The following CEP152 variants were observed in gnomAD, a reference collection of about 807,000 sequenced individuals.
CEP152 encodes centrosomal protein of 152 kDa.
Under a neutral mutation model 188.9 loss-of-function variants are expected in CEP152, and 132 were observed. The observed-to-expected ratio is 0.70, with a 90% CI of 0.61 to 0.81. The LOEUF is 0.81. Among genes scored for constraint, CEP152 ranks in the 30% least tolerant of loss-of-function variants. The pLI is 0.00. For synonymous variants in CEP152, 649 were observed against 666.6 expected, an observed-to-expected ratio of 0.97 and a Z score of 0.41; for missense variants, 1,914 against 1,969.8, an observed-to-expected ratio of 0.97 and a Z score of 0.54.
chr15:48,807,932 A>G (rs562980219), intron 1 of CEP152, among the ~76,000 whole-genome samples: 5 of 152,320 alleles, frequency 3.3e-5, no homozygotes, highest in Non-Finnish European at 7.4e-5. Flanking sequence ...ATCAAAGTAT[A>G]TATCTTTAAT....
chr15:48,747,933 C>T (rs1052303865), intron 22 of CEP152, among the ~76,000 whole-genome samples: 4 of 152,158 alleles, frequency 2.6e-5, no homozygotes, highest in Admixed American at 6.5e-5. Context: ...CTATCTCAAA[C>T]GTTGTTCTCC....
At chr15:48,780,226 T>C (rs1896157449) in intron 12 of CEP152, among the ~76,000 whole-genome samples, 1 of 152,204 alleles carries the variant, frequency 6.6e-6, no homozygotes, top group Admixed American at 6.5e-5. Flanking sequence ...TGGATAGCAG[T>C]GCTGTGATTT....
chr15:48,741,901 A>G (rs1206467000), intron 25 of CEP152, 46 bp downstream of exon 25: 2 of 1,613,940 alleles, frequency 1.2e-6, no homozygotes, highest in African/African-American at 1.3e-5. Flanking sequence ...AAATGATAAC[A>G]TGTTGTCCTG....
downstream of CEP152, among the ~76,000 whole-genome samples, chr15:48,733,763 A>G (rs1200715477): frequency 6.6e-6 from 1 of 152,172 alleles, no homozygotes; most frequent in Non-Finnish European, 1.5e-5. Context: ...AAAACAGTAT[A>G]AGAAAAACAA....
chr15:48,796,119 T>C lies in CEP152; in HGVS notation c.582A>G (p.Thr194=). ...CQGLEPYNKV[T]YKPYQSSAQN... ...GGGCAGAAGACTGATAAGGTTTATA[T>C]GTCACTTTATTATACGGTTCCAAAC... Residue 194 remains threonine, a synonymous_variant, in exon 6 of 27, where the codon ACA becomes ACG. Coordinates refer to ENST00000380950, the MANE Select transcript of CEP152 (RefSeq NM_001194998.2). 1 of 1,613,966 alleles carries C rather than the reference T, an allele frequency of 6.2e-7. No homozygotes were observed. The highest frequency in any genetic ancestry group is 8.5e-7 in the Non-Finnish European group (1 of 1,179,866).
intron 5 of CEP152, among the ~76,000 whole-genome samples, chr15:48,796,942 T>C (rs894298900): frequency 3.9e-5 from 6 of 152,242 alleles, no homozygotes; most frequent in South Asian, 2.1e-4. Context: ...ACAGAATTAC[T>C]GCTTTAAAAA....
At chr15:48,800,533 C>A (rs72739868) in intron 2 of CEP152, among the ~76,000 whole-genome samples, 1 of 152,068 alleles carries the variant, frequency 6.6e-6, no homozygotes, top group Non-Finnish European at 1.5e-5. Flanking sequence ...ATGCATGTTA[C>A]CAAATACAGA....
intron 9 of CEP152, among the ~76,000 whole-genome samples, chr15:48,785,916 A>G (rs1217081775): frequency 1.5e-5 from 2 of 137,220 alleles, no homozygotes; most frequent in East Asian, 2.5e-4. Context: ...AAAAAAAAAA[A>G]AAAAGAGAGA....
chr15:48,740,556 A>C (rs1360237907), intron 26 of CEP152: 2 of 150,146 alleles, frequency 1.3e-5, no homozygotes, highest in African/African-American at 2.5e-5. Context: ...GTTTTTTTCC[A>C]AGTTTTTCCT....
intron 17 of CEP152, among the ~76,000 whole-genome samples, chr15:48,762,938 T>C (rs1211486172): frequency 6.6e-6 from 1 of 152,040 alleles, no homozygotes; most frequent in South Asian, 2.1e-4. Context: ...TTGCTCTTAA[T>C]ATCCAACCTT....
chr15:48,747,165 T>C (rs1358322900), intron 22 of CEP152, among the ~76,000 whole-genome samples: 1 of 152,164 alleles, frequency 6.6e-6, no homozygotes, highest in Non-Finnish European at 1.5e-5. Context: ...CCAGCTACCC[T>C]ATGGAGAATG....
intron 12 of CEP152, among the ~76,000 whole-genome samples, chr15:48,780,795 T>C (rs1321827654): frequency 1.3e-5 from 2 of 152,200 alleles, no homozygotes; most frequent in Admixed American, 1.3e-4. Context: ...TCATCTTTTG[T>C]ACTCTATTCC....
chr15:48,733,174 T>G (rs887350045), downstream of CEP152, among the ~76,000 whole-genome samples: 3 of 152,140 alleles, frequency 2.0e-5, no homozygotes, highest in African/African-American at 7.2e-5. Flanking sequence ...TTAACAATAA[T>G]TTGTTGTAAA....
At chr15:48,781,104 A>C (rs1437464853) in intron 12 of CEP152, 92 bp downstream of exon 12, 3 of 1,128,048 alleles carry the variant, frequency 2.7e-6, no homozygotes, top group African/African-American at 1.5e-5. Flanking sequence ...ACATATGAAA[A>C]TAATACGCTC....
intron 22 of CEP152, 50 bp downstream of exon 22, chr15:48,748,393 C>G (rs980165206): frequency 6.8e-7 from 1 of 1,473,768 alleles, no homozygotes; most frequent in Non-Finnish European, 9.0e-7. Context: ...AACATTTCAA[C>G]AAGGATCAAA....
chr15:48,785,919 A>AAAG (rs1555425285), intron 9 of CEP152, among the ~76,000 whole-genome samples: 3 of 88,892 alleles, frequency 3.4e-5, no homozygotes, highest in Admixed American at 1.0e-4. Context: ...AAAAAAAAAA[A>AAAG]AGAGAGAGAG....
At chr15:48,782,326 G>C (rs1238788744) in intron 10 of CEP152, 96 bp from the exon 11 acceptor site, 3 of 1,034,280 alleles carry the variant, frequency 2.9e-6, no homozygotes, top group Non-Finnish European at 4.5e-6. Context: ...GCTACAGAAA[G>C]TAAAGTTCTG....
At chr15:48,732,245 G>A (rs1185893335) in intron 2 of CEP152, among the ~76,000 whole-genome samples, 1 of 152,206 alleles carries the variant, frequency 6.6e-6, no homozygotes, top group Admixed American at 6.5e-5. Context: ...TATGTTTCCT[G>A]CAGCACTATT....
intron 12 of CEP152, among the ~76,000 whole-genome samples, chr15:48,779,074 T>A (rs1048810771): frequency 8.5e-5 from 13 of 152,140 alleles, no homozygotes; most frequent in African/African-American, 3.1e-4. Context: ...AAGATAAACA[T>A]ACATAATGTA....
Sources: gnomAD v4.1 joint callset for allele counts (sites outside exome capture counted in the v4.1 genomes callset) on GRCh38, gnomAD v4.1.1 for gene constraint, MANE v1.5 for transcripts, NCBI Gene and HGNC (gene_info 2026-07-23, HGNC 2026-07-21) for gene names.